The following FASTK variants were observed in gnomAD, a reference collection of about 807,000 sequenced individuals.
The protein encoded by FASTK is Fas activated serine/threonine kinase.
Under a neutral mutation model 60.0 loss-of-function variants are expected in FASTK, and 28 were observed. The ratio of observed to expected loss-of-function variants is 0.47; its 90% CI spans 0.35 to 0.64. The LOEUF (loss-of-function observed/expected upper bound fraction) is 0.64, where lower values mean the gene tolerates loss of function less well. Ranked by LOEUF, FASTK falls within the 30% of genes least tolerant of loss-of-function variation. The probability of loss-of-function intolerance (pLI) is 0.01; values close to 1 mark genes in which losing one functional copy is unlikely to be tolerated. For synonymous variants in FASTK, 325 were observed against 307.9 expected, an observed-to-expected ratio of 1.06 and a Z score of -0.58; for missense variants, 595 against 713.8, an observed-to-expected ratio of 0.83 and a Z score of 1.90.
Position 151,080,787 on chromosome 7 carries a change from C to T in FASTK, c.-21G>A. ...CTCATCGGCTAGCCACCGAGTCCGC[C>T]ATCTTCCCAGCAGCCCCTAGATAGC... is the stretch of plus-strand genomic sequence containing the variant. On this transcript the variant is annotated 5_prime_UTR_variant, in exon 1 of 10. The change abolishes an upstream ATG in the 5' untranslated region. Coordinates refer to ENST00000297532, the MANE Select transcript of FASTK (RefSeq NM_006712.5). The T allele has an allele frequency of 7.9e-7, 1 of 1,263,782 alleles. No homozygotes were observed. The highest frequency in any genetic ancestry group is 4.2e-5 in the Admixed American group (1 of 23,784). 78.3% of individuals were successfully genotyped at this position (1,263,782 alleles called of 1,614,324 possible).
rs1327307797 is a variant in FASTK at position 151,076,918 on chromosome 7, G to C, written c.1537C>G (p.Leu513Val). The C allele has an allele frequency of 1.2e-6, 2 of 1,605,966 alleles. No homozygotes were observed. Among genetic ancestry groups the C allele is most frequent in the Non-Finnish European group, 1.7e-6 (2 of 1,175,726 alleles). The change falls in exon 9 of 10, where the codon CTG (leucine) becomes GTG (valine). Residue 513 changes from leucine (L) to valine (V), a missense_variant. By Grantham distance (32) the Leu-to-Val change is conservative. Transcript: ENST00000297532. The stretch of plus-strand genomic sequence containing the variant: ...GCCAGGCCAGGGCCACTCACCGGCA[G>C]GAGCTGGTAGCCCATCAGGCCTAGG... ...RHLGLMGYQL[L>V]PLPFEELESQ...
In FASTK at chr7:151,077,263, T is replaced by C. The variant is rs757695276; in HGVS notation, c.1292-27A>G. ...TGGAGGGGAGCAGGGCCGGCGGCCT[T>C]AGCCAGGGCTCCGTCTCCCCGGGCC... On this transcript the variant is annotated intron_variant, in intron 7 of 9. Coordinates refer to ENST00000297532, the MANE Select transcript of FASTK (RefSeq NM_006712.5). 7.4e-6 allele frequency: 12 copies of C among 1,611,896 alleles called. No homozygotes were observed. In the East Asian group the frequency reaches 2.2e-4, roughly 30 times the overall value.
In FASTK at chr7:151,076,970, C is replaced by T; in HGVS notation, c.1485G>A (p.Leu495=). 1 of 1,612,384 alleles carries T rather than the reference C, an allele frequency of 6.2e-7. No individual in the cohort carries two copies. ...WHFCRDGRVL[L]GSRALRERHL... Reference sequence around the variant, plus strand: ...GCCGCTCCCTCAGGGCCCTCGAGCCCAGCAGCACCCGGCCGTCCCGGCAGA... The same window carrying T: ...GCCGCTCCCTCAGGGCCCTCGAGCCTAGCAGCACCCGGCCGTCCCGGCAGA... Residue 495 remains leucine (L), a synonymous_variant, in exon 9 of 10, where the codon CTG becomes CTA. Transcript: ENST00000297532.
chr7:151,078,411 C>T, intron 4 of FASTK, 151 bp downstream of exon 4: 1 of 872,456 alleles, frequency 1.1e-6, no homozygotes, highest in East Asian at 2.6e-5. Flanking sequence ...GTGGGCAAGC[C>T]ACAGAAAGGG....
At chr7:151,078,243 A>C (rs1797777310) in intron 4 of FASTK, 151 bp from the exon 5 acceptor site, 1 of 655,350 alleles carries the variant, frequency 1.5e-6, no homozygotes, top group South Asian at 1.9e-5. Flanking sequence ...ACAGCAAAGC[A>C]GTCACGAGCT....
intron 4 of FASTK, 83 bp downstream of exon 4, chr7:151,078,479 A>C: frequency 6.8e-7 from 1 of 1,478,060 alleles, no homozygotes. Flanking sequence ...CAGGAAAAGG[A>C]TAGCCGAGCT....
Position 151,079,036 on chromosome 7 carries a change from T to G in FASTK, c.506-15A>C. ...AGATGGAAAGCCTGAGGGGGAGAGG[T>G]AAAAGGCAGCCTGGTAACAGAGCTG... On this transcript the variant is annotated splice_polypyrimidine_tract_variant and intron_variant, in intron 2 of 9. Coordinates refer to ENST00000297532, the MANE Select transcript of FASTK (RefSeq NM_006712.5). 6.9e-7 allele frequency: 1 copy of G among 1,444,402 alleles called. No individual in the cohort carries two copies. The highest frequency in any genetic ancestry group is 9.1e-7 in the Non-Finnish European group (1 of 1,099,052). The allele number at this position is 1,444,402 out of a possible 1,614,324, so 89.5% of individuals were successfully genotyped here.
chr7:151,079,918 A>T lies in FASTK; in HGVS notation c.87T>A (p.Ser29=). 1 of 1,584,694 alleles carries T rather than the reference A, an allele frequency of 6.3e-7. No homozygotes were observed. The highest frequency in any genetic ancestry group is 8.6e-7 in the Non-Finnish European group (1 of 1,160,618). Residue 29 remains serine, a synonymous_variant, in exon 2 of 10, where the codon TCT becomes TCA. Transcript: ENST00000297532. ...CTCGAAGCATGGAGTTGGGTGATGG[A>T]GACCCTGAGGGGCAGCCCAAAAAAG... ...ATCAGPGESW[S]PSPNSMLRVL...
rs1372631172 is a variant in FASTK at position 151,077,165 on chromosome 7, G to A, written c.1363C>T (p.Pro455Ser). 1 of 1,613,330 alleles carries A rather than the reference G, an allele frequency of 6.2e-7. No individual in the cohort carries two copies. The highest frequency in any genetic ancestry group is 8.5e-7 in the Non-Finnish European group (1 of 1,179,728). The change falls in exon 8 of 10, where the codon CCA (proline) becomes TCA (serine). Residue 455 changes from proline to serine, a missense_variant. This residue lies in a region of FASTK where 471 missense variants were observed against 605.9 expected (regional missense o/e 0.78). Transcript: ENST00000297532. ...VRTQDPFLPYPPRSCPQGQAA... is the reference protein window; with the variant it reads ...VRTQDPFLPYSPRSCPQGQAA... ...TGGCCCTGTGGGCAGGACCTTGGTG[G>A]GTATGGCAGGAAGGGGTCCTGGGTC...
chr7:151,080,665 C>G lies in FASTK; in HGVS notation c.82+20G>C. ...CTCCCGCTGCCCTCCCGCAGCCCTC[C>G]CCGCAGGCGCCACCCCTACATGACT... On this transcript the variant is annotated intron_variant, in intron 1 of 9. Transcript: ENST00000297532. The G allele has an allele frequency of 1.4e-6, 2 of 1,438,068 alleles. No individual in the cohort carries two copies. The highest frequency in any genetic ancestry group is 1.8e-6 in the Non-Finnish European group (2 of 1,100,600). The allele number at this position is 1,438,068 out of a possible 1,614,324, so 89.1% of individuals were successfully genotyped here. A position where few individuals can be genotyped will look rare whatever the true frequency, so the allele number is the denominator to read the frequency against.
intron 6 of FASTK, 37 bp downstream of exon 6, chr7:151,077,584 G>A: frequency 6.5e-7 from 1 of 1,530,628 alleles, no homozygotes; most frequent in Non-Finnish European, 8.8e-7. Flanking sequence ...CTGGTCCCAG[G>A]CTGGCCCCTC....
In FASTK at chr7:151,077,630, C is replaced by G; in HGVS notation, c.1190G>C (p.Cys397Ser). 1 of 1,545,868 alleles carries G rather than the reference C, an allele frequency of 6.5e-7. No homozygotes were observed. Among genetic ancestry groups the G allele is most frequent in the Non-Finnish European group, 8.7e-7 (1 of 1,145,304 alleles). The stretch of plus-strand genomic sequence containing the variant: ...AGGCTGCCCCATCCACCTGTACTTG[C>G]AGCGGGCACGGTCGGTGATGAGAGG... ...PQPLITDRARCKYSHKDIVAE... is the reference protein window; with the variant it reads ...PQPLITDRARSKYSHKDIVAE... Residue 397 changes from cysteine to serine, a missense_variant, in exon 6 of 10, where the codon TGC (cysteine) becomes TCC (serine). By Grantham distance (112) the Cys-to-Ser change is moderately radical (BLOSUM62 -1). Around this residue, in one of 2 missense-constraint regions of FASTK, gnomAD observed 471 missense variants for 605.9 expected, o/e 0.78. Transcript: ENST00000297532.
intron 1 of FASTK, chr7:151,080,467 T>C: frequency 1.6e-6 from 2 of 1,263,688 alleles, no homozygotes; most frequent in South Asian, 5.5e-5. Flanking sequence ...AGTGGCTTCG[T>C]CTCTCTAAGT....
At chr7:151,076,880 G>A (rs1339770460) in intron 9 of FASTK, 33 bp downstream of exon 9, 1 of 1,599,210 alleles carries the variant, frequency 6.3e-7, no homozygotes, top group South Asian at 1.1e-5. Context: ...CTGGGAGTGA[G>A]GATGCGCCAC....
chr7:151,080,739 G>A lies in FASTK; in HGVS notation c.28C>T (p.Pro10Ser). 8.4e-6 allele frequency: 11 copies of A among 1,314,700 alleles called. No individual in the cohort carries two copies. The highest frequency in any genetic ancestry group is 1.1e-5 in the Non-Finnish European group (11 of 1,032,372). The allele number at this position is 1,314,700 out of a possible 1,614,324, so 81.4% of individuals were successfully genotyped here. A position where few individuals can be genotyped will look rare whatever the true frequency, so the allele number is the denominator to read the frequency against. Residue 10 changes from proline (P) to serine (S), a missense_variant, in exon 1 of 10, where the codon CCC becomes TCC. This residue lies in a region of FASTK where 124 missense variants were observed against 107.9 expected (regional missense o/e 1.15). Transcript: ENST00000297532. ...CCCTCAGTCGGTCTCGGGGCCCGGG[G>A]GCCGGGTTCCCCCCGCGGCCTCCTC... Reference protein sequence around the residue: MRRPRGEPGPRAPRPTEGAT... With the variant: MRRPRGEPGSRAPRPTEGAT...
rs1026085675 is a variant in FASTK at position 151,077,522 on chromosome 7, C to G, written c.1199+99G>C. 5 of 1,505,070 alleles carry G rather than the reference C, an allele frequency of 3.3e-6. No individual in the cohort carries two copies. The South Asian group carries it at 3.7e-5, about 11-fold the overall frequency. 93.2% of individuals were successfully genotyped at this position (1,505,070 alleles called of 1,614,324 possible). ...CTTCAGGGCCCAGTTTTATGGTGGC[C>G]GAGAGCTCCTTAGCTTTGGCGCTTC... On this transcript the variant is annotated intron_variant, in intron 6 of 9. Transcript: ENST00000297532.
chr7:151,077,977 G>C lies in FASTK; in HGVS notation c.941C>G (p.Ala314Gly). The change falls in exon 5 of 10, where the codon GCT (alanine) becomes GGT (glycine). Residue 314 changes from alanine (A) to glycine (G), a missense_variant. By Grantham distance (60) the Ala-to-Gly change is moderately conservative. Around this residue, in one of 2 missense-constraint regions of FASTK, gnomAD observed 471 missense variants for 605.9 expected, o/e 0.78. Coordinates refer to ENST00000297532, the MANE Select transcript of FASTK (RefSeq NM_006712.5). Reference protein sequence around the residue: ...LAREAGVAPLATVNILMSLCQ... With the variant: ...LAREAGVAPLGTVNILMSLCQ... ...CAGTGACATCAAGATGTTGACTGTA[G>C]CCAGGGGTGCCACCCCTGCTTCCCG... 1 of 1,613,322 alleles carries C rather than the reference G, an allele frequency of 6.2e-7. No homozygotes were observed.
intron 1 of FASTK, 138 bp downstream of exon 1, chr7:151,080,547 T>C: frequency 7.7e-7 from 1 of 1,305,588 alleles, no homozygotes; most frequent in South Asian, 2.1e-5. Context: ...GTGCACCGCT[T>C]TGCGATGGCG....
At position 151,078,957 on chromosome 7, in the gene FASTK, CG is replaced by C. The variant is rs1488785570; in HGVS notation, c.569del (p.Pro190ArgfsTer21). ...GGGGCTGCAAAGGGGGAGGTGGCTT[CG>C]GAGGGAGGCGGAGCCTTCGCTCCTG... The part of the protein sequence containing the change: ...LEQERRLRLP[P>X]KPPPPLQPLL... On this transcript the variant is annotated frameshift_variant, in exon 3 of 10. Coordinates refer to ENST00000297532, the MANE Select transcript of FASTK (RefSeq NM_006712.5). LOFTEE classifies it high-confidence loss of function. The C allele has an allele frequency of 6.4e-7, 1 of 1,557,488 alleles. No homozygotes were observed. The highest frequency in any genetic ancestry group is 1.4e-5 in the African/African-American group (1 of 71,988).
Sources: gnomAD v4.1 joint callset for allele counts on GRCh38, gnomAD v4.1.1 for gene constraint, gnomAD v4.1.1 regional missense constraint, MANE v1.5 for transcripts, NCBI Gene and HGNC (gene_info 2026-07-23, HGNC 2026-07-21) for gene names.